OSBPL7: variants seen among roughly 807,000 people sequenced by gnomAD.
The protein encoded by OSBPL7 is oxysterol-binding protein-related protein 7.
In OSBPL7, 66 loss-of-function variants were observed where a neutral mutation model predicts 115.8. That is an observed-to-expected ratio of 0.57 (90% CI 0.47 to 0.70). OSBPL7 has a LOEUF of 0.70. Among genes scored for constraint, OSBPL7 ranks in the 30% least tolerant of loss-of-function variants. The probability of loss-of-function intolerance (pLI) is 0.00; values close to 1 mark genes in which losing one functional copy is unlikely to be tolerated. For missense variants in OSBPL7, 902 were observed against 1,125.5 expected (o/e 0.80, Z 2.84); for synonymous variants, 441 against 439.2 (o/e 1.00, Z -0.05).
Position 47,809,481 on chromosome 17 carries a change from G to C in OSBPL7, c.1881-3C>G. The stretch of plus-strand genomic sequence containing the variant: ...TCCACTCAAAGTGGTCCCCAAACCT[G>C]AGAAAGACAAGGTATGGAAGGGCAG... On this transcript the variant is annotated splice_region_variant and splice_polypyrimidine_tract_variant and intron_variant, in intron 18 of 22. Coordinates refer to ENST00000007414, the MANE Select transcript of OSBPL7 (RefSeq NM_145798.3). 1 of 1,610,276 alleles carries C rather than the reference G, an allele frequency of 6.2e-7. No individual in the cohort carries two copies. The highest frequency in any genetic ancestry group is 8.5e-7 in the Non-Finnish European group (1 of 1,176,878).
Position 47,819,459 on chromosome 17 carries a change from A to G in OSBPL7, c.255+270T>C, listed in dbSNP as rs149252281. Reference sequence around the variant, plus strand: ...CCAGGATGAGGGTGGTAAAGCCCCCATTTCTTGGGCACTTATTCTGCCCTG... The same window carrying G: ...CCAGGATGAGGGTGGTAAAGCCCCCGTTTCTTGGGCACTTATTCTGCCCTG... On this transcript the variant is annotated intron_variant, in intron 4 of 22. Coordinates refer to ENST00000007414, the MANE Select transcript of OSBPL7 (RefSeq NM_145798.3). The G allele has an allele frequency of 2.2e-5, 13 of 580,810 alleles. No individual in the cohort carries two copies. The African/African-American group carries it at 2.4e-4, about 11-fold the overall frequency. The allele number at this position is 580,810 out of a possible 1,614,324, so 36.0% of individuals were successfully genotyped here.
chr17:47,819,426 G>A, intron 4 of OSBPL7: 1 of 567,932 alleles, frequency 1.8e-6, no homozygotes, highest in Non-Finnish European at 3.1e-6. Flanking sequence ...CCCAGCCTGA[G>A]AATGGGACCA....
Position 47,814,549 on chromosome 17 carries a change from G to A in OSBPL7, c.1323C>T (p.Asp441=). Residue 441 remains aspartate, a synonymous_variant, in exon 14 of 23, where the codon GAC becomes GAT. Coordinates refer to ENST00000007414, the MANE Select transcript of OSBPL7 (RefSeq NM_145798.3). ...ITTSLSEEML[D]LRGAERCQKG... ...TCTGACAGCGCTCAGCTCCCCTGAG[G>A]TCCAGCATCTCCTCAGACAGGCTGG... 1.2e-6 allele frequency: 2 copies of A among 1,613,904 alleles called. No homozygotes were observed. Among genetic ancestry groups the A allele is most frequent in the Non-Finnish European group, 1.7e-6 (2 of 1,179,936 alleles).
chr17:47,818,641 G>T, intron 5 of OSBPL7, 25 bp from the exon 6 acceptor site: 1 of 1,588,430 alleles, frequency 6.3e-7, no homozygotes, highest in South Asian at 1.1e-5. Context: ...GAGAGGGGGA[G>T]GGCTATCTGA....
intron 13 of OSBPL7, 142 bp from the exon 14 acceptor site, chr17:47,814,756 A>G (rs1173613420): frequency 9.8e-6 from 7 of 713,278 alleles, no homozygotes; most frequent in Non-Finnish European, 1.4e-5. Context: ...CTGAGCCCTA[A>G]GACATTGCCC....
At position 47,820,037 on chromosome 17, in the gene OSBPL7, G is replaced by A; in HGVS notation, c.135C>T (p.Val45=). 2.5e-6 allele frequency: 4 copies of A among 1,611,688 alleles called. No homozygotes were observed. Among genetic ancestry groups the A allele is most frequent in the Non-Finnish European group, 3.4e-6 (4 of 1,179,898 alleles). ...EPRVRLGTEG[V]MPERQEGHLL... ...GGTGACCTTCCTGCCTCTCAGGCAT[G>A]ACACCCTCTGTCCCCAGCCTGACCC... is the stretch of plus-strand genomic sequence containing the variant. The change falls in exon 3 of 23, where the codon GTC becomes GTT. Residue 45 remains valine (V), a synonymous_variant. Coordinates refer to ENST00000007414, the MANE Select transcript of OSBPL7 (RefSeq NM_145798.3).
rs765752508 is a variant in OSBPL7, at chr17:47,808,703, G to A, written c.2298-43C>T. On this transcript the variant is annotated intron_variant, in intron 21 of 22. Transcript: ENST00000007414. The surrounding 1 kb of genome is among the most constrained non-coding windows in gnomAD (Gnocchi z 6.1). The stretch of plus-strand genomic sequence containing the variant: ...ACTCAGGGGAACTGCCCATCTGCAG[G>A]GGCCCCCAAACCCAAGGCCTCTGTC... 7 of 1,611,778 alleles carry A rather than the reference G, an allele frequency of 4.3e-6. No homozygotes were observed. In the African/African-American group the frequency reaches 8.0e-5, roughly 18 times the overall value.
intron 4 of OSBPL7, 81 bp downstream of exon 4, chr17:47,819,648 C>T (rs907185555): frequency 7.1e-6 from 11 of 1,539,694 alleles, no homozygotes; most frequent in South Asian, 3.4e-5. Context: ...CTGCTCTGGT[C>T]GATTCCAGAT....
chr17:47,812,811 C>T (rs893314186), intron 16 of OSBPL7, among the ~76,000 whole-genome samples: 11 of 152,216 alleles, frequency 7.2e-5, no homozygotes, highest in Non-Finnish European at 7.3e-5. Context: ...TGCCTCAAAT[C>T]CTCCATGGTG....
chr17:47,816,903 C>T lies in OSBPL7; in HGVS notation c.703-31G>A. 1 of 1,606,626 alleles carries T rather than the reference C, an allele frequency of 6.2e-7. No homozygotes were observed. The stretch of plus-strand genomic sequence containing the variant: ...AAGTCAAGGTGGGGGCAATTTTACT[C>T]ACAGGGTGGGGAAAAGGGGCAGAAA... On this transcript the variant is annotated intron_variant, in intron 8 of 22. Transcript: ENST00000007414. The surrounding 1 kb of genome is among the most constrained non-coding windows in gnomAD (Gnocchi z 5.8).
At position 47,821,711 on chromosome 17, in the gene OSBPL7, T is replaced by A. The variant is rs1279218232; in HGVS notation, c.-133A>T. On this transcript the variant is annotated 5_prime_UTR_variant, in exon 1 of 23. Transcript: ENST00000007414. Reference sequence around the variant, plus strand: ...GTACTCCTTGGCCCTTGCGCCGCTCTGCCTCTGAGTCACCGTCTCCGAGTC... The same window carrying A: ...GTACTCCTTGGCCCTTGCGCCGCTCAGCCTCTGAGTCACCGTCTCCGAGTC... 2 of 152,354 alleles carry A rather than the reference T, an allele frequency of 1.3e-5. No individual in the cohort carries two copies. The highest frequency in any genetic ancestry group is 2.9e-5 in the Non-Finnish European group (2 of 68,108). The allele number at this position is 152,354 out of a possible 1,614,324, so 9.4% of individuals were successfully genotyped here. A position where few individuals can be genotyped will look rare whatever the true frequency, so the allele number is the denominator to read the frequency against.
chr17:47,821,034 A>C (rs1223293818), intron 1 of OSBPL7, among the ~76,000 whole-genome samples: 1 of 152,048 alleles, frequency 6.6e-6, no homozygotes, highest in Non-Finnish European at 1.5e-5. Flanking sequence ...TGGGGCTCTG[A>C]GAAGTGCCAC....
At chr17:47,809,277 C>T in intron 19 of OSBPL7, 57 bp from the exon 20 acceptor site, 2 of 1,611,476 alleles carry the variant, frequency 1.2e-6, no homozygotes, top group South Asian at 1.1e-5. Context: ...GCCAGGGTGA[C>T]CTCCAGAGAC....
intron 18 of OSBPL7, 105 bp downstream of exon 18, chr17:47,810,489 C>T (rs901970099): frequency 4.0e-6 from 4 of 988,456 alleles, no homozygotes; most frequent in Non-Finnish European, 6.3e-6. Flanking sequence ...AGCTTCAGGC[C>T]AGACCTTCCT....
At chr17:47,820,119 G>C (rs752539029) in intron 2 of OSBPL7, 23 bp from the exon 3 acceptor site, 4 of 1,613,142 alleles carry the variant, frequency 2.5e-6, no homozygotes, top group Non-Finnish European at 3.4e-6. Context: ...ACAGAGGGAG[G>C]GGAGCACTGG....
At position 47,816,083 on chromosome 17, in the gene OSBPL7, C is replaced by A; in HGVS notation, c.1119+24G>T. On this transcript the variant is annotated intron_variant, in intron 12 of 22. Coordinates refer to ENST00000007414, the MANE Select transcript of OSBPL7 (RefSeq NM_145798.3). The surrounding 1 kb of genome is among the most constrained non-coding windows in gnomAD (Gnocchi z 5.8). ...AGAGAAGGCACAGGAGAATCGGCCC[C>A]CACAGCCCACCCTGGCTCCTCACCT... 1 of 1,536,912 alleles carries A rather than the reference C, an allele frequency of 6.5e-7. No individual in the cohort carries two copies. The highest frequency in any genetic ancestry group is 8.8e-7 in the Non-Finnish European group (1 of 1,138,226).
At chr17:47,812,322 A>G (rs921009027) in intron 16 of OSBPL7, among the ~76,000 whole-genome samples, 6 of 152,038 alleles carry the variant, frequency 3.9e-5, no homozygotes, top group Non-Finnish European at 7.4e-5. Context: ...TCCTCCCTAG[A>G]CACTGCGAGC....
chr17:47,814,479 A>AGCCCCCAAC, intron 14 of OSBPL7, 42 bp downstream of exon 14: 2 of 1,086,690 alleles, frequency 1.8e-6, no homozygotes, highest in Non-Finnish European at 2.8e-6. Flanking sequence ...CTGTTTTTCC[A>AGCCCCCAAC]CCCGCCTCCC....
rs1256718219 is a variant in OSBPL7 at position 47,807,917 on chromosome 17, CT to C, written c.*373del. The stretch of plus-strand genomic sequence containing the variant: ...GGACAGAGGCCTGGGCACAGAAAGC[CT>C]GGGGAGCGTCAAGGAGTCCCCTGTG... On this transcript the variant is annotated 3_prime_UTR_variant, in exon 23 of 23. Coordinates refer to ENST00000007414, the MANE Select transcript of OSBPL7 (RefSeq NM_145798.3). 1 of 249,856 alleles carries C rather than the reference CT, an allele frequency of 4.0e-6. No homozygotes were observed. Among genetic ancestry groups the C allele is most frequent in the Non-Finnish European group, 7.9e-6 (1 of 125,882 alleles). The allele number at this position is 249,856 out of a possible 1,614,324, so 15.5% of individuals were successfully genotyped here. A position where few individuals can be genotyped will look rare whatever the true frequency, so the allele number is the denominator to read the frequency against.
Sources: allele counts gnomAD v4.1 joint callset (sites outside exome capture counted in the v4.1 genomes callset), GRCh38; gene constraint gnomAD v4.1.1; non-coding constraint Gnocchi (gnomAD v3.1); transcripts MANE v1.5; gene names NCBI Gene and HGNC (gene_info 2026-07-23, HGNC 2026-07-21).